The following SLC39A14 variants were observed in gnomAD, a reference collection of about 807,000 sequenced individuals.
The protein encoded by SLC39A14 is solute carrier family 39 member 14.
Under a neutral mutation model 45.5 loss-of-function variants are expected in SLC39A14, and 19 were observed. The ratio of observed to expected loss-of-function variants is 0.42; its 90% CI spans 0.29 to 0.61. The LOEUF (loss-of-function observed/expected upper bound fraction) is 0.61, where lower values mean the gene tolerates loss of function less well. Ranked by LOEUF, SLC39A14 falls within the 20% of genes least tolerant of loss-of-function variation. The pLI, the probability that SLC39A14 is intolerant of heterozygous loss-of-function variation, is 0.22. For synonymous variants in SLC39A14, 264 were observed against 251.3 expected, an observed-to-expected ratio of 1.05 and a Z score of -0.48; for missense variants, 447 against 616.5, an observed-to-expected ratio of 0.73 and a Z score of 2.91.
rs7015545 is a variant in SLC39A14 at position 22,397,586 on chromosome 8, T to A, written c.-15-7110T>A. Among the ~76,000 whole-genome samples, 1,038 of 149,244 alleles carry A rather than the reference T, an allele frequency of 7.0e-3. 9 individuals are homozygous for A. Among genetic ancestry groups the A allele is most frequent in the African/African-American group, 0.024 (983 of 40,692 alleles). On this transcript the variant is annotated intron_variant, in intron 1 of 8. Coordinates refer to ENST00000381237, the MANE Select transcript of SLC39A14 (RefSeq NM_001128431.4). ...GAGCGGGCGAAAGAGCGAGACTCCG[T>A]CCCAAAAAAAAAAAAGAAAGACCTC...
At chr8:22,403,203 C>G (rs1834986117) in intron 1 of SLC39A14, among the ~76,000 whole-genome samples, 2 of 152,122 alleles carry the variant, frequency 1.3e-5, no homozygotes, top group Non-Finnish European at 2.9e-5. Context: ...GTCTCGATCT[C>G]CTGACCTCGT....
At chr8:22,388,675 T>C (rs1234496561) in intron 1 of SLC39A14, among the ~76,000 whole-genome samples, 3 of 152,040 alleles carry the variant, frequency 2.0e-5, no homozygotes, top group African/African-American at 7.2e-5. Context: ...AGGGGGATGC[T>C]CTGGGTTCGT....
intron 1 of SLC39A14, among the ~76,000 whole-genome samples, chr8:22,401,472 G>A (rs565968995): frequency 6.6e-5 from 10 of 151,136 alleles, no homozygotes; most frequent in African/African-American, 2.2e-4. Flanking sequence ...AAGAAAAATC[G>A]TCATCAATCT....
intron 4 of SLC39A14, 114 bp downstream of exon 4, chr8:22,412,320 C>T (rs1835620148): frequency 1.7e-5 from 19 of 1,147,746 alleles, no homozygotes; most frequent in Non-Finnish European, 2.2e-5. Context: ...TTTTGGAAAG[C>T]GAAGCTAGAA....
chr8:22,397,404 C>T (rs1306996938), intron 1 of SLC39A14, among the ~76,000 whole-genome samples: 1 of 152,112 alleles, frequency 6.6e-6, no homozygotes, highest in African/African-American at 2.4e-5. Context: ...CAGTGAAAGC[C>T]GGTCTCTACT....
chr8:22,411,519 C>T (rs1291953646), intron 3 of SLC39A14, among the ~76,000 whole-genome samples: 1 of 152,228 alleles, frequency 6.6e-6, no homozygotes, highest in African/African-American at 2.4e-5. Flanking sequence ...CGTGGTGTCA[C>T]CCGAGCCTGC....
At chr8:22,374,567 AGAGTGGCT>A (rs2132164860) in intron 1 of SLC39A14, among the ~76,000 whole-genome samples, 1 of 95,962 alleles carries the variant, frequency 1.0e-5, no homozygotes, top group South Asian at 3.5e-4. Context: ...CACGTGGCCC[AGAGTGGCT>A]GAGAGGGAGC....
chr8:22,395,969 C>G (rs147555957), intron 1 of SLC39A14, among the ~76,000 whole-genome samples: 1 of 152,270 alleles, frequency 6.6e-6, no homozygotes, highest in Non-Finnish European at 1.5e-5. Context: ...TGAAGGAATG[C>G]TAGCTGTGTG....
chr8:22,403,430 C>A (rs911329698), intron 1 of SLC39A14, among the ~76,000 whole-genome samples: 6 of 151,688 alleles, frequency 4.0e-5, no homozygotes, highest in African/African-American at 1.5e-4. Flanking sequence ...CAGACGTGCA[C>A]CACCATGCCT....
downstream of SLC39A14, among the ~76,000 whole-genome samples, chr8:22,426,412 C>A (rs144235856): frequency 9.2e-5 from 14 of 152,142 alleles, no homozygotes; most frequent in Non-Finnish European, 1.6e-4. Flanking sequence ...GGGCTGGTCT[C>A]GAACTCCAGG....
chr8:22,406,553 A>T (rs1835225637), intron 2 of SLC39A14, among the ~76,000 whole-genome samples: 1 of 152,054 alleles, frequency 6.6e-6, no homozygotes, highest in Non-Finnish European at 1.5e-5. Context: ...TTATCTGGGT[A>T]TGGCGGGAGA....
chr8:22,394,731 A>G (rs1834285501), intron 1 of SLC39A14, among the ~76,000 whole-genome samples: 1 of 151,976 alleles, frequency 6.6e-6, no homozygotes, highest in Admixed American at 6.6e-5. Context: ...AATTACATGC[A>G]TTTCATTGTT....
chr8:22,381,402 C>T (rs141652022), intron 1 of SLC39A14, among the ~76,000 whole-genome samples: 31 of 152,202 alleles, frequency 2.0e-4, no homozygotes, highest in African/African-American at 5.5e-4. Context: ...TCCCAAGTAG[C>T]TGGGAATATA....
chr8:22,386,931 G>A (rs113375697), intron 1 of SLC39A14, among the ~76,000 whole-genome samples: 3 of 152,276 alleles, frequency 2.0e-5, no homozygotes, highest in Non-Finnish European at 4.4e-5. Context: ...CCAGCACTTT[G>A]GGAGGCTGGG....
At chr8:22,430,963 G>A (rs1333100754) in intron 8 of SLC39A14, among the ~76,000 whole-genome samples, 1 of 150,144 alleles carries the variant, frequency 6.7e-6, no homozygotes, top group Non-Finnish European at 1.5e-5. Flanking sequence ...GCGAGCTGCC[G>A]CAGCCGGTCT....
At chr8:22,402,922 G>A (rs1834965291) in intron 1 of SLC39A14, among the ~76,000 whole-genome samples, 1 of 152,010 alleles carries the variant, frequency 6.6e-6, no homozygotes, top group Admixed American at 6.6e-5. Context: ...CATATCAAAT[G>A]GTATATATTT....
chr8:22,395,206 C>T (rs972334295), intron 1 of SLC39A14, among the ~76,000 whole-genome samples: 4 of 152,028 alleles, frequency 2.6e-5, no homozygotes, highest in South Asian at 2.1e-4. Flanking sequence ...GTTGGGGTTT[C>T]GCCATATTGA....
chr8:22,388,137 C>G (rs1199784435), intron 1 of SLC39A14, among the ~76,000 whole-genome samples: 2 of 152,218 alleles, frequency 1.3e-5, no homozygotes, highest in Admixed American at 1.3e-4. Flanking sequence ...AATATAAGCC[C>G]TGTCCTTCTA....
rs867778788 is a variant in SLC39A14, at chr8:22,403,983, C to G, written c.-15-713C>G. On this transcript the variant is annotated intron_variant, in intron 1 of 8. Coordinates refer to ENST00000381237, the MANE Select transcript of SLC39A14 (RefSeq NM_001128431.4). ...CTGATGAATTCCTATCTACCTGTCACTTAGTTCCAGTGAATATCAGCTCAT... is the reference window on the plus strand; with the variant it reads ...CTGATGAATTCCTATCTACCTGTCAGTTAGTTCCAGTGAATATCAGCTCAT... 3.9e-5 allele frequency among the ~76,000 whole-genome samples: 6 copies of G among 152,270 alleles called. No homozygotes were observed. The South Asian group carries it at 1.2e-3, about 32-fold the overall frequency.
Sources: allele counts gnomAD v4.1 joint callset (sites outside exome capture counted in the v4.1 genomes callset), GRCh38; gene constraint gnomAD v4.1.1; transcripts MANE v1.5; gene names NCBI Gene and HGNC (gene_info 2026-07-23, HGNC 2026-07-21).